SLC5A4: variants seen among roughly 807,000 people sequenced by gnomAD.
The protein encoded by SLC5A4 is solute carrier family 5 member 4.
In SLC5A4, 55 loss-of-function variants were observed where a neutral mutation model predicts 70.3. The observed-to-expected ratio is 0.78, with a 90% CI of 0.63 to 0.98. The LOEUF (loss-of-function observed/expected upper bound fraction) is 0.98. SLC5A4 is among the 50% of genes least tolerant of loss of function. The pLI is 0.00. For missense variants in SLC5A4, 735 were observed against 839.2 expected, an observed-to-expected ratio of 0.88 and a Z score of 1.53; for synonymous variants, 268 against 305.7, an observed-to-expected ratio of 0.88 and a Z score of 1.29.
the SLC5A4 span, among the ~76,000 whole-genome samples, chr22:32,325,473 CCATT>C: frequency 6.6e-6 from 1 of 152,174 alleles, no homozygotes; most frequent in Admixed American, 6.5e-5. Flanking sequence ...TCAGCCAAGG[CCATT>C]CAGAGGATCA....
chr22:32,222,368 C>T (rs1925138323), intron 13 of SLC5A4, among the ~76,000 whole-genome samples: 1 of 152,182 alleles, frequency 6.6e-6, no homozygotes, highest in African/African-American at 2.4e-5. Context: ...TGGGACATCT[C>T]ATTTCTGCAC....
At chr22:32,347,601 A>T in the SLC5A4 span, among the ~76,000 whole-genome samples, 1 of 151,226 alleles carries the variant, frequency 6.6e-6, no homozygotes, top group South Asian at 2.1e-4. Flanking sequence ...AAACTATCGC[A>T]AGGACAGAAA....
At chr22:32,336,369 C>T in the SLC5A4 span, among the ~76,000 whole-genome samples, 2 of 152,348 alleles carry the variant, frequency 1.3e-5, no homozygotes, top group Non-Finnish European at 2.9e-5. Context: ...TAATTACTCA[C>T]GCAAGCTGGC....
chr22:32,224,546 T>A, intron 12 of SLC5A4, 64 bp from the exon 13 acceptor site: 1 of 1,308,068 alleles, frequency 7.6e-7, no homozygotes, highest in Non-Finnish European at 1.1e-6. Flanking sequence ...TTCAAGTAAG[T>A]CATCATTATA....
chr22:32,226,654 A>G (rs1248103444), intron 11 of SLC5A4, among the ~76,000 whole-genome samples: 1 of 152,242 alleles, frequency 6.6e-6, no homozygotes, highest in Non-Finnish European at 1.5e-5. Flanking sequence ...GTAAGGATTC[A>G]ATAAATTACA....
At chr22:32,291,265 T>A in the SLC5A4 span, among the ~76,000 whole-genome samples, 1 of 147,736 alleles carries the variant, frequency 6.8e-6, no homozygotes, top group Admixed American at 6.9e-5. Flanking sequence ...ACCCTCCGCC[T>A]CCCGGGTTCA....
chr22:32,352,226 C>T, the SLC5A4 span, among the ~76,000 whole-genome samples: 13 of 139,816 alleles, frequency 9.3e-5, no homozygotes, highest in African/African-American at 1.1e-4. Context: ...AATGAGAACA[C>T]TTGTACACAG....
intron 13 of SLC5A4, among the ~76,000 whole-genome samples, chr22:32,224,040 C>T (rs1193630257): frequency 6.6e-6 from 1 of 152,110 alleles, no homozygotes; most frequent in Non-Finnish European, 1.5e-5. Flanking sequence ...CCTGCCTCAG[C>T]CTCCCGAGCA....
chr22:32,239,882 G>T (rs939416493), intron 5 of SLC5A4, among the ~76,000 whole-genome samples: 1 of 150,326 alleles, frequency 6.7e-6, no homozygotes, highest in Non-Finnish European at 1.5e-5. Flanking sequence ...AAATTAGCCA[G>T]GCATGGTGGC....
At chr22:32,333,204 C>CCA in the SLC5A4 span, among the ~76,000 whole-genome samples, 64 of 149,154 alleles carry the variant, frequency 4.3e-4, 1 homozygote, top group Non-Finnish European at 6.8e-4. Flanking sequence ...GCACCCCCCC[C>CCA]CCAGAAGACT....
At chr22:32,329,611 T>TTGGA in the SLC5A4 span, among the ~76,000 whole-genome samples, 1 of 50,646 alleles carries the variant, frequency 2.0e-5, no homozygotes, top group Admixed American at 2.8e-4. Flanking sequence ...GTGTGTGTGT[T>TTGGA]GGCTCTGGTG....
chr22:32,270,347 T>G, the SLC5A4 span: 2 of 1,164,412 alleles, frequency 1.7e-6, no homozygotes, highest in Non-Finnish European at 2.6e-6. Flanking sequence ...GCTCTGTCGG[T>G]GCTGCAGAAG....
At chr22:32,239,564 A>ATATATT (rs1926347529) in intron 5 of SLC5A4, among the ~76,000 whole-genome samples, 6 of 20,094 alleles carry the variant, frequency 3.0e-4, no homozygotes, top group Non-Finnish European at 5.3e-4. Context: ...ATATATATAT[A>ATATATT]TATATTTATA....
intron 13 of SLC5A4, among the ~76,000 whole-genome samples, chr22:32,223,852 G>T (rs573453377): frequency 1.3e-5 from 2 of 152,196 alleles, no homozygotes; most frequent in South Asian, 4.1e-4. Flanking sequence ...ATCTCTTAGG[G>T]TTCTTCTAGC....
the SLC5A4 span, among the ~76,000 whole-genome samples, chr22:32,314,603 G>A: frequency 6.6e-6 from 1 of 151,988 alleles, no homozygotes; most frequent in Non-Finnish European, 1.5e-5. Flanking sequence ...TAAAAGGATG[G>A]GCAGATGATT....
chr22:32,229,089 G>T, intron 11 of SLC5A4, 105 bp downstream of exon 11: 1 of 1,051,798 alleles, frequency 9.5e-7, no homozygotes, highest in Non-Finnish European at 1.4e-6. Context: ...CCTCTACCCA[G>T]ATGCTATGAT....
the SLC5A4 span, among the ~76,000 whole-genome samples, chr22:32,338,009 TTGAG>T: frequency 6.6e-6 from 1 of 151,292 alleles, no homozygotes; most frequent in African/African-American, 2.4e-5. Context: ...TTGAACTCTC[TTGAG>T]TCAGTGTGAT....
intron 14 of SLC5A4, among the ~76,000 whole-genome samples, chr22:32,219,564 G>GA (rs2123856228): frequency 1.6e-5 from 1 of 62,738 alleles, no homozygotes; most frequent in East Asian, 4.8e-4. Context: ...AAAAGAGAAA[G>GA]AAAAATCAAA....
the SLC5A4 span, among the ~76,000 whole-genome samples, chr22:32,287,616 G>T: frequency 1.3e-5 from 2 of 151,640 alleles, no homozygotes; most frequent in Non-Finnish European, 2.9e-5. Context: ...TTCACTTGAA[G>T]ACCCTCAATT....
Sources: allele counts gnomAD v4.1 joint callset (sites outside exome capture counted in the v4.1 genomes callset), GRCh38; gene constraint gnomAD v4.1.1; transcripts MANE v1.5; gene names NCBI Gene and HGNC (gene_info 2026-07-23, HGNC 2026-07-21).